Variants in EPHA10 observed in about 807,000 individuals in gnomAD.
The protein encoded by EPHA10 is ephrin type-A receptor 10.
In EPHA10, 120 loss-of-function variants were observed where a neutral mutation model predicts 109.7. The observed-to-expected ratio is 1.09, with a 90% CI of 0.94 to 1.27. The LOEUF is 1.27. Ranked by LOEUF, EPHA10 falls within the 50% of genes most tolerant of loss-of-function variation. EPHA10 has a pLI of 0.00. For synonymous variants in EPHA10, 640 were observed against 618.9 expected (o/e 1.03, Z -0.51); for missense variants, 1,396 against 1,411.1 (o/e 0.99, Z 0.17).
chr1:37,762,011 G>A lies in EPHA10; in HGVS notation c.244C>T (p.Pro82Ser). ...RTYQVCNVLE[P>S]NQDNWLQTGW... ...GTCTGCAGCCAGTTGTCCTGGTTGG[G>A]CTCCAGCACATTGCACACTTGGTAC... The change falls in exon 3 of 17, where the codon CCC becomes TCC. Residue 82 changes from proline (P) to serine (S), a missense_variant. Coordinates refer to ENST00000373048, the MANE Select transcript of EPHA10 (RefSeq NM_001099439.2). 1 of 1,614,076 alleles carries A rather than the reference G, an allele frequency of 6.2e-7. No homozygotes were observed.
chr1:37,748,054 A>C (rs1211640954), intron 5 of EPHA10, among the ~76,000 whole-genome samples: 1 of 152,210 alleles, frequency 6.6e-6, no homozygotes, highest in Non-Finnish European at 1.5e-5. Flanking sequence ...AAGACGTTAC[A>C]GTAAAGATTA....
At chr1:37,736,422 G>C (rs974807668) in intron 5 of EPHA10, among the ~76,000 whole-genome samples, 3 of 147,304 alleles carry the variant, frequency 2.0e-5, no homozygotes, top group African/African-American at 7.6e-5. Flanking sequence ...GTTGCAGTGA[G>C]CTGAGGTCGT....
Position 37,731,493 on chromosome 1 carries a change from A to C in EPHA10, c.1581T>G (p.Phe527Leu), listed in dbSNP as rs1645981749. ...GCCCCGGGGAAGCGGCCCGGATCTG[A>C]AAGACGTAGCGGGTAGCCGGCTTCA... Reference protein sequence around the residue: ...TNLKPATRYVFQIRAASPGPS... With the variant: ...TNLKPATRYVLQIRAASPGPS... Residue 527 changes from phenylalanine (F) to leucine (L), a missense_variant, in exon 7 of 17, where the codon TTT (phenylalanine) becomes TTG (leucine). Coordinates refer to ENST00000373048, the MANE Select transcript of EPHA10 (RefSeq NM_001099439.2). 1 of 1,613,884 alleles carries C rather than the reference A, an allele frequency of 6.2e-7. No individual in the cohort carries two copies. Among genetic ancestry groups the C allele is most frequent in the South Asian group, 1.1e-5 (1 of 91,070 alleles).
intron 14 of EPHA10, 132 bp from the exon 15 acceptor site, chr1:37,719,739 C>CAG: frequency 7.1e-7 from 1 of 1,409,842 alleles, no homozygotes; most frequent in Non-Finnish European, 9.8e-7. Flanking sequence ...CAGACACACA[C>CAG]ACACACACCC....
chr1:37,728,444 A>G (rs749597753), intron 7 of EPHA10, among the ~76,000 whole-genome samples: 2 of 152,202 alleles, frequency 1.3e-5, no homozygotes, highest in Non-Finnish European at 2.9e-5. Context: ...CATAACTATT[A>G]GGAATGGGAA....
At chr1:37,726,448 GCCC>G (rs1645893278) in intron 8 of EPHA10, among the ~76,000 whole-genome samples, 2 of 152,336 alleles carry the variant, frequency 1.3e-5, no homozygotes, top group Non-Finnish European at 2.9e-5. Context: ...TCCCCAGCCC[GCCC>G]AGCCTGGGAC....
rs781496125 is a variant in EPHA10 at position 37,754,205 on chromosome 1, G to A, written c.1006+10C>T. ...CACCCTCCGCAGTGCAGCCTGGAGG[G>A]GGGACTCACGGGTGCAGGAAGCCGA... On this transcript the variant is annotated intron_variant, in intron 4 of 16. Coordinates refer to ENST00000373048, the MANE Select transcript of EPHA10 (RefSeq NM_001099439.2). The surrounding 1 kb of genome is among the most constrained non-coding windows in gnomAD (Gnocchi z 4.5). 1.2e-5 allele frequency: 16 copies of A among 1,286,262 alleles called. No individual in the cohort carries two copies. In the South Asian group the frequency reaches 4.3e-4, roughly 35 times the overall value. The allele number at this position is 1,286,262 out of a possible 1,614,324, so 79.7% of individuals were successfully genotyped here.
In EPHA10 at chr1:37,716,538, C is replaced by T. The variant is rs772232974; in HGVS notation, c.*1834G>A. ...GAGTCACTGAGCTGGGGCAGGTGCT[C>T]AGGAGACAGGGAGGCAGGGGGCTGG... is the stretch of plus-strand genomic sequence containing the variant. On this transcript the variant is annotated 3_prime_UTR_variant, in exon 17 of 17. Transcript: ENST00000373048. The T allele has an allele frequency of 3.9e-5, 9 of 229,172 alleles. No individual in the cohort carries two copies. The highest frequency in any genetic ancestry group is 6.8e-5 in the Non-Finnish European group (8 of 116,796). The allele number at this position is 229,172 out of a possible 1,614,324, so 14.2% of individuals were successfully genotyped here.
intron 5 of EPHA10, among the ~76,000 whole-genome samples, chr1:37,751,932 CCGTGTGCATA>C (rs1646334540): frequency 1.3e-5 from 2 of 152,058 alleles, no homozygotes; most frequent in South Asian, 4.2e-4. Context: ...ATTCTAACAT[CCGTGTGCATA>C]CGTGTACATG....
At chr1:37,761,110 A>G (rs59325351) in intron 3 of EPHA10, 35,805 of 1,178,572 alleles carry the variant, frequency 0.03, 3,616 homozygotes, top group African/African-American at 0.29. Context: ...AAAAACAATG[A>G]CTTCCTTTAT....
At position 37,727,180 on chromosome 1, in the gene EPHA10, G is replaced by A. The variant is rs1374935340; in HGVS notation, c.1694C>T (p.Ala565Val). The change falls in exon 8 of 17, where the codon GCC becomes GTC. Residue 565 changes from alanine to valine, a missense_variant. Coordinates refer to ENST00000373048, the MANE Select transcript of EPHA10 (RefSeq NM_001099439.2). ...AASGSRDQSPAIVVTVVTISA... is the reference protein window; with the variant it reads ...AASGSRDQSPVIVVTVVTISA... ...GATGGTCACTACGGTGACGACAATG[G>A]CGGGGCTCTGGTCCCTGGACCCTGA... 1.2e-6 allele frequency: 2 copies of A among 1,611,644 alleles called. No homozygotes were observed. Among genetic ancestry groups the A allele is most frequent in the East Asian group, 4.5e-5 (2 of 44,722 alleles).
intron 15 of EPHA10, chr1:37,719,195 C>T (rs950461018): frequency 2.1e-5 from 13 of 612,330 alleles, no homozygotes; most frequent in South Asian, 6.0e-5. Context: ...TCATTGTACC[C>T]GGGGATGTGG....
At chr1:37,714,076 G>A (rs1645659310), downstream of EPHA10, 1 of 152,172 alleles carries the variant, frequency 6.6e-6, no homozygotes, top group Non-Finnish European at 1.5e-5. Flanking sequence ...CCTTATCAAA[G>A]AGCTGATATT....
rs370045860 is a variant in EPHA10, at chr1:37,761,839, C to T, written c.416G>A (p.Arg139His). 7 of 1,613,008 alleles carry T rather than the reference C, an allele frequency of 4.3e-6. No individual in the cohort carries two copies. The highest frequency in any genetic ancestry group is 1.7e-5 in the Admixed American group (1 of 59,936). Reference sequence around the variant, plus strand: ...GCTGCCGCCTAGGCGGGGACGCCCACGGCCCAGGTCGGCCTCAGTTTCCAG... The same window carrying T: ...GCTGCCGCCTAGGCGGGGACGCCCATGGCCCAGGTCGGCCTCAGTTTCCAG... Reference protein sequence around the residue: ...YYLETEADLGRGRPRLGGSRP... With the variant: ...YYLETEADLGHGRPRLGGSRP... Residue 139 changes from arginine (R) to histidine (H), a missense_variant, in exon 3 of 17, where the codon CGT becomes CAT. Transcript: ENST00000373048.
Position 37,752,878 on chromosome 1 carries a change from C to T in EPHA10, c.1355G>A (p.Gly452Glu), listed in dbSNP as rs1646349728. 7.7e-7 allele frequency: 1 copy of T among 1,292,076 alleles called. No individual in the cohort carries two copies. Among genetic ancestry groups the T allele is most frequent in the South Asian group, 2.4e-5 (1 of 42,294 alleles). The allele number at this position is 1,292,076 out of a possible 1,614,324, so 80.0% of individuals were successfully genotyped here. A position where few individuals can be genotyped will look rare whatever the true frequency, so the allele number is the denominator to read the frequency against. Residue 452 changes from glycine (G) to glutamate (E), a missense_variant and splice_region_variant, in exon 5 of 17, where the codon GGG (glycine) becomes GAG (glutamate). By Grantham distance (98) the Gly-to-Glu change is moderately conservative. Transcript: ENST00000373048. The part of the protein sequence containing the change: ...YAQVTVSTGP[G>E]APWEEDEIRR... ...GTGGGGGGCGCGGACGGCCTTACCC[C>T]CGGGCCCGGTGGAGACGGTGACCTG...
chr1:37,735,504 G>GGCGT, intron 5 of EPHA10, 114 bp from the exon 6 acceptor site: 1 of 1,307,640 alleles, frequency 7.6e-7, no homozygotes, highest in East Asian at 2.5e-5. Context: ...AGAGGCCTGG[G>GGCGT]GCGTGGTCTA....
intron 5 of EPHA10, among the ~76,000 whole-genome samples, chr1:37,740,364 G>A (rs1646135011): frequency 6.6e-6 from 1 of 152,130 alleles, no homozygotes; most frequent in Non-Finnish European, 1.5e-5. Flanking sequence ...GGAGAGCAGG[G>A]GCGGGATCTC....
chr1:37,762,752 C>A (rs770557586), intron 2 of EPHA10, 33 bp downstream of exon 2: 21 of 1,533,116 alleles, frequency 1.4e-5, no homozygotes, highest in Non-Finnish European at 1.8e-5. Flanking sequence ...ACCAGAGGAT[C>A]CCTGGGACAG....
At chr1:37,748,505 A>T (rs1646273937) in intron 5 of EPHA10, among the ~76,000 whole-genome samples, 1 of 152,242 alleles carries the variant, frequency 6.6e-6, no homozygotes, top group Non-Finnish European at 1.5e-5. Context: ...AAATTTTTCC[A>T]GATACCTTTA....
Sources: gnomAD v4.1 joint callset for allele counts (sites outside exome capture counted in the v4.1 genomes callset) on GRCh38, gnomAD v4.1.1 for gene constraint, Gnocchi (gnomAD v3.1) non-coding constraint, MANE v1.5 for transcripts, NCBI Gene and HGNC (gene_info 2026-07-23, HGNC 2026-07-21) for gene names.